The following COQ3 variants were observed in gnomAD, a reference collection of about 807,000 sequenced individuals.
COQ3 encodes ubiquinone biosynthesis O-methyltransferase, mitochondrial.
In COQ3, 29 loss-of-function variants were observed where a neutral mutation model predicts 33.1. The observed-to-expected ratio is 0.88, with a 90% CI of 0.65 to 1.19. The LOEUF (loss-of-function observed/expected upper bound fraction) is 1.19. COQ3 is among the 50% of genes most tolerant of loss of function. The pLI is 0.00. For missense variants in COQ3, 437 were observed against 430.7 expected (o/e 1.01, Z -0.13); for synonymous variants, 173 against 157.8 (o/e 1.10, Z -0.72).
At chr6:99,389,670 A>G (rs936289971) in intron 1 of COQ3, among the ~76,000 whole-genome samples, 3 of 152,166 alleles carry the variant, frequency 2.0e-5, no homozygotes, top group Non-Finnish European at 2.9e-5. Flanking sequence ...ATGTAGCACA[A>G]TACACTCATT....
chr6:99,392,739 C>T lies in COQ3; in HGVS notation c.106+1335G>A, dbSNP rs529096218. Among the ~76,000 whole-genome samples, 68 of 152,134 alleles carry T rather than the reference C, an allele frequency of 4.5e-4. 1 individual carries two copies. Among genetic ancestry groups the T allele is most frequent in the African/African-American group, 1.5e-3 (63 of 41,514 alleles). ...CTCCCAGGTTCAAGCGATTCTCCTG[C>T]CTCAGCCTCCCGAGTAGCTGGGATT... On this transcript the variant is annotated intron_variant, in intron 1 of 6. Coordinates refer to ENST00000254759, the MANE Select transcript of COQ3 (RefSeq NM_017421.4).
intron 3 of COQ3, among the ~76,000 whole-genome samples, chr6:99,378,579 A>G (rs1774373803): frequency 6.6e-6 from 1 of 152,166 alleles, no homozygotes; most frequent in South Asian, 2.1e-4. Context: ...AATCACGTAA[A>G]GTTTGCTTAA....
chr6:99,387,415 C>A (rs1774683085), intron 1 of COQ3, among the ~76,000 whole-genome samples: 1 of 152,152 alleles, frequency 6.6e-6, no homozygotes, highest in Non-Finnish European at 1.5e-5. Context: ...TGCACCGCTG[C>A]ACTCCAGCCT....
chr6:99,375,901 CAGA>C, intron 5 of COQ3, 36 bp downstream of exon 5: 1 of 1,608,276 alleles, frequency 6.2e-7, no homozygotes, highest in Non-Finnish European at 8.5e-7. Context: ...TACACACACT[CAGA>C]AGAAGAAACC....
At position 99,394,114 on chromosome 6, in the gene COQ3, G is replaced by A. The variant is rs1280793680; in HGVS notation, c.66C>T (p.Gly22=). Residue 22 remains glycine, a synonymous_variant, in exon 1 of 7, where the codon GGC becomes GGT. Coordinates refer to ENST00000254759, the MANE Select transcript of COQ3 (RefSeq NM_017421.4). ...GWFLRVLGPG[G]CNTKAARPLI... ...AGGGACGCGCAGCTTTTGTATTACA[G>A]CCTCCAGGCCCCAGCACTCTTAAAA... 3.1e-6 allele frequency: 5 copies of A among 1,613,588 alleles called. No individual in the cohort carries two copies. The highest frequency in any genetic ancestry group is 1.6e-4 in the Middle Eastern group (1 of 6,080).
intron 1 of COQ3, 117 bp from the exon 2 acceptor site, chr6:99,383,941 C>G: frequency 1.3e-6 from 1 of 794,464 alleles, no homozygotes; most frequent in Non-Finnish European, 1.8e-6. Flanking sequence ...TGCTCTGCCA[C>G]CCAGGTTGGA....
intron 4 of COQ3, 70 bp from the exon 5 acceptor site, chr6:99,376,252 C>A (rs1175664041): frequency 2.0e-6 from 3 of 1,517,682 alleles, no homozygotes; most frequent in Non-Finnish European, 2.7e-6. Flanking sequence ...AAAAGCTTAT[C>A]AAAAATGAAA....
chr6:99,369,943 GA>G (rs1421391992), intron 6 of COQ3, 123 bp from the exon 7 acceptor site: 57 of 624,940 alleles, frequency 9.1e-5, no homozygotes, highest in South Asian at 2.1e-4. Context: ...AGGAAAAGAA[GA>G]AAAAAAAAGG....
chr6:99,374,118 T>A, intron 5 of COQ3, among the ~76,000 whole-genome samples: 1 of 133,306 alleles, frequency 7.5e-6, no homozygotes, highest in African/African-American at 2.9e-5. Flanking sequence ...CAAACTGACA[T>A]TAGCAAAAAA....
At chr6:99,387,195 T>C (rs962339819) in intron 1 of COQ3, among the ~76,000 whole-genome samples, 2 of 152,202 alleles carry the variant, frequency 1.3e-5, no homozygotes, top group African/African-American at 4.8e-5. Context: ...ACACCTGTAG[T>C]TCCAGCACTT....
At chr6:99,375,898 A>G in intron 5 of COQ3, 42 bp downstream of exon 5, 1 of 1,606,394 alleles carries the variant, frequency 6.2e-7, no homozygotes. Context: ...AAATACACAC[A>G]CTCAGAAGAA....
chr6:99,390,604 C>CTACAGGCGTGAGCCACGCGCCCAGTCTT (rs1774798778), intron 1 of COQ3, among the ~76,000 whole-genome samples: 1 of 152,158 alleles, frequency 6.6e-6, no homozygotes, highest in Admixed American at 6.6e-5. Flanking sequence ...AGTGCTGGGA[C>CTACAGGCGTGAGCCACGCGCCCAGTCTT]TACAGGCGTG....
At chr6:99,386,939 A>T (rs990543972) in intron 1 of COQ3, among the ~76,000 whole-genome samples, 2 of 152,246 alleles carry the variant, frequency 1.3e-5, no homozygotes, top group African/African-American at 4.8e-5. Flanking sequence ...TATGAAGCCA[A>T]CATTACTCTG....
At chr6:99,384,436 A>G (rs1366296099) in intron 1 of COQ3, among the ~76,000 whole-genome samples, 2 of 152,232 alleles carry the variant, frequency 1.3e-5, no homozygotes, top group Non-Finnish European at 1.5e-5. Context: ...ATAAAATGAC[A>G]GGAATGATAT....
At position 99,386,330 on chromosome 6, in the gene COQ3, T is replaced by C. The variant is rs537307985; in HGVS notation, c.107-2506A>G. Among the ~76,000 whole-genome samples the C allele has an allele frequency of 1.2e-3, 188 of 152,232 alleles. 2 individuals carry two copies. The highest frequency in any genetic ancestry group is 8.3e-4 in the South Asian group (4 of 4,822). Reference sequence around the variant, plus strand: ...CTGTAATTCCAGTAACTCTGGAGGCTGAGGCACAAGAATTGCTTGAACCTG... The same window carrying C: ...CTGTAATTCCAGTAACTCTGGAGGCCGAGGCACAAGAATTGCTTGAACCTG... On this transcript the variant is annotated intron_variant, in intron 1 of 6. Coordinates refer to ENST00000254759, the MANE Select transcript of COQ3 (RefSeq NM_017421.4).
intron 1 of COQ3, among the ~76,000 whole-genome samples, chr6:99,385,869 C>T (rs545230452): frequency 2.1e-4 from 32 of 150,758 alleles, no homozygotes; most frequent in African/African-American, 7.3e-4. Flanking sequence ...CCCAGCTACC[C>T]GGGAGGCTGA....
Position 99,376,902 on chromosome 6 carries a change from G to A in COQ3, c.486+484C>T, listed in dbSNP as rs576076646. ...TGCTTGAACCTGGGTGTTGGAGGTTGCAGTGAGCTGAGATCATGCCATTGC... is the reference window on the plus strand; with the variant it reads ...TGCTTGAACCTGGGTGTTGGAGGTTACAGTGAGCTGAGATCATGCCATTGC... On this transcript the variant is annotated intron_variant, in intron 4 of 6. Coordinates refer to ENST00000254759, the MANE Select transcript of COQ3 (RefSeq NM_017421.4). 5.9e-5 allele frequency among the ~76,000 whole-genome samples: 9 copies of A among 151,774 alleles called. 1 individual carries two copies. The East Asian group carries it at 1.4e-3, about 23-fold the overall frequency.
chr6:99,375,241 T>C (rs4588697), intron 5 of COQ3, among the ~76,000 whole-genome samples: 55,037 of 151,806 alleles, frequency 0.36, 10,370 homozygotes, highest in South Asian at 0.57. Context: ...GTGCTGGGAT[T>C]ACAGGTGTGA....
chr6:99,380,148 A>G, intron 3 of COQ3, 41 bp downstream of exon 3: 2 of 1,567,148 alleles, frequency 1.3e-6, no homozygotes, highest in South Asian at 1.2e-5. Flanking sequence ...GAATTCTTAA[A>G]AAGTTCCATT....
Sources: gnomAD v4.1 joint callset for allele counts (sites outside exome capture counted in the v4.1 genomes callset) on GRCh38, gnomAD v4.1.1 for gene constraint, MANE v1.5 for transcripts, NCBI Gene and HGNC (gene_info 2026-07-23, HGNC 2026-07-21) for gene names.